Variants in FBXL17 observed in about 807,000 individuals in gnomAD.
The protein encoded by FBXL17 is F-box and leucine rich repeat protein 17, also known as F-box/LRR-repeat protein 17.
In FBXL17, 22 loss-of-function variants were observed where a neutral mutation model predicts 66.2. The ratio of observed to expected loss-of-function variants is 0.33; its 90% confidence interval spans 0.24 to 0.47. The LOEUF is 0.47. FBXL17 is among the 20% of genes least tolerant of loss of function. FBXL17 has a pLI of 1.00. For synonymous variants in FBXL17, 474 were observed against 400.5 expected (o/e 1.18, Z -2.19); for missense variants, 878 against 948.2 (o/e 0.93, Z 0.97).
intron 7 of FBXL17, chr5:108,020,712 G>A: frequency 2.3e-6 from 1 of 433,456 alleles, no homozygotes; most frequent in Non-Finnish European, 4.2e-6. Context: ...ATGTGTGTGT[G>A]ATTGCATGTG....
intron 7 of FBXL17, among the ~76,000 whole-genome samples, chr5:107,906,840 A>G (rs1043075428): frequency 6.6e-6 from 1 of 152,188 alleles, no homozygotes; most frequent in African/African-American, 2.4e-5. Context: ...AAGAAACTAC[A>G]CATTCATTAA....
intron 7 of FBXL17, among the ~76,000 whole-genome samples, chr5:107,938,698 G>A (rs1473005003): frequency 1.3e-5 from 2 of 152,068 alleles, no homozygotes; most frequent in Non-Finnish European, 2.9e-5. Context: ...ATACTCTCCA[G>A]AGAGCTTCCA....
chr5:107,905,602 G>A (rs1749726931), intron 7 of FBXL17, among the ~76,000 whole-genome samples: 1 of 152,138 alleles, frequency 6.6e-6, no homozygotes, highest in Non-Finnish European at 1.5e-5. Flanking sequence ...GACATGTATA[G>A]TTAAATACAG....
At chr5:108,335,356 A>T (rs1238240968) in intron 4 of FBXL17, among the ~76,000 whole-genome samples, 2 of 150,744 alleles carry the variant, frequency 1.3e-5, no homozygotes, top group South Asian at 2.1e-4. Flanking sequence ...AAAAAAAAAT[A>T]CGTTTTTTTT....
intron 7 of FBXL17, among the ~76,000 whole-genome samples, chr5:107,974,658 T>G (rs1752512753): frequency 6.6e-6 from 1 of 152,154 alleles, no homozygotes; most frequent in Non-Finnish European, 1.5e-5. Flanking sequence ...TATAGTCTCT[T>G]AGTTGATTAT....
At chr5:108,169,186 C>T (rs970192103) in intron 6 of FBXL17, among the ~76,000 whole-genome samples, 1 of 152,108 alleles carries the variant, frequency 6.6e-6, no homozygotes, top group African/African-American at 2.4e-5. Flanking sequence ...AAAAAAGCTC[C>T]TCTATAACAT....
intron 6 of FBXL17, among the ~76,000 whole-genome samples, chr5:108,175,141 G>A (rs1191967677): frequency 6.6e-6 from 1 of 152,110 alleles, no homozygotes. Flanking sequence ...TCATACAAAA[G>A]CATGATCTAT....
chr5:108,297,985 C>T, intron 4 of FBXL17: 5 of 983,110 alleles, frequency 5.1e-6, no homozygotes, highest in Non-Finnish European at 6.0e-6. Flanking sequence ...ACCCAACTGA[C>T]TGAATTCTAA....
At chr5:108,232,294 A>G (rs1183124523) in intron 4 of FBXL17, among the ~76,000 whole-genome samples, 2 of 152,178 alleles carry the variant, frequency 1.3e-5, no homozygotes, top group East Asian at 3.8e-4. Context: ...AGTTGTACAA[A>G]GGATAGTTGC....
At chr5:107,949,661 A>G (rs1751434713) in intron 7 of FBXL17, among the ~76,000 whole-genome samples, 1 of 152,238 alleles carries the variant, frequency 6.6e-6, no homozygotes. Context: ...CCATGTGAAA[A>G]GAATTTCCTT....
chr5:108,346,180 G>A (rs1416070557), intron 4 of FBXL17, among the ~76,000 whole-genome samples: 3 of 151,774 alleles, frequency 2.0e-5, no homozygotes, highest in East Asian at 3.9e-4. Context: ...TCCTATAGGA[G>A]GTTAGTTATC....
chr5:108,036,242 G>A (rs1161836050), intron 6 of FBXL17, among the ~76,000 whole-genome samples: 2 of 152,070 alleles, frequency 1.3e-5, no homozygotes, highest in Non-Finnish European at 2.9e-5. Flanking sequence ...TCATAACTTT[G>A]TCTGTGGGTC....
Position 108,218,800 on chromosome 5 carries a change from C to T in FBXL17, c.1614+5321G>A, listed in dbSNP as rs73214512. 7.2e-3 allele frequency among the ~76,000 whole-genome samples: 1,090 copies of T among 152,102 alleles called. 18 individuals are homozygous for T. The highest frequency in any genetic ancestry group is 0.025 in the African/African-American group (1,033 of 41,510). On this transcript the variant is annotated intron_variant, in intron 5 of 8. Transcript: ENST00000542267. ...GTTATTTGTTTTCTTACTATTGAGT[C>T]GAGTTCCTTATATATTTTGGATAGT...
chr5:108,293,345 C>T (rs1580759659), intron 4 of FBXL17, among the ~76,000 whole-genome samples: 1 of 152,224 alleles, frequency 6.6e-6, no homozygotes, highest in East Asian at 1.9e-4. Flanking sequence ...AAAGCTTTCA[C>T]ATCTAAAACA....
intron 7 of FBXL17, among the ~76,000 whole-genome samples, chr5:107,967,704 A>C (rs150638752): frequency 0.011 from 1,638 of 152,230 alleles, 15 homozygotes; most frequent in Non-Finnish European, 0.016. Flanking sequence ...TAGGAAAAAA[A>C]CAACATTTTC....
At chr5:108,047,664 G>A (rs549675953) in intron 6 of FBXL17, among the ~76,000 whole-genome samples, 7 of 152,114 alleles carry the variant, frequency 4.6e-5, no homozygotes, top group Non-Finnish European at 8.8e-5. Flanking sequence ...TCAACACACC[G>A]GCTGTGGCAT....
intron 6 of FBXL17, among the ~76,000 whole-genome samples, chr5:108,049,873 T>C (rs1747403942): frequency 6.6e-6 from 1 of 151,820 alleles, no homozygotes; most frequent in Non-Finnish European, 1.5e-5. Flanking sequence ...CTATACAAAA[T>C]AAACGGATAT....
chr5:107,977,456 C>T (rs1752624927), intron 7 of FBXL17, among the ~76,000 whole-genome samples: 1 of 152,066 alleles, frequency 6.6e-6, no homozygotes, highest in Admixed American at 6.6e-5. Flanking sequence ...AACTGGGGCT[C>T]GGAAAAGGTT....
intron 6 of FBXL17, among the ~76,000 whole-genome samples, chr5:108,132,527 T>C (rs1302478478): frequency 1.3e-5 from 2 of 152,246 alleles, no homozygotes; most frequent in Non-Finnish European, 2.9e-5. Flanking sequence ...TTTTGCTCTA[T>C]ATAATATGTT....
Sources: allele counts gnomAD v4.1 joint callset (sites outside exome capture counted in the v4.1 genomes callset), GRCh38; gene constraint gnomAD v4.1.1; transcripts MANE v1.5; gene names NCBI Gene and HGNC (gene_info 2026-07-23, HGNC 2026-07-21).